Variants in ZNF695 observed in about 807,000 individuals in gnomAD.
The protein encoded by ZNF695 is zinc finger protein SBZF3.
A neutral mutation model predicts 11.2 loss-of-function variants in ZNF695; 11 were observed. The observed-to-expected ratio is 0.98, with a 90% confidence interval of 0.62 to 1.62. The LOEUF (loss-of-function observed/expected upper bound fraction) is 1.62. Among genes scored for constraint, ZNF695 ranks in the 40% most tolerant of loss-of-function variants. The pLI, the probability that ZNF695 is intolerant of heterozygous loss-of-function variation, is 0.00. For synonymous variants in ZNF695, 190 were observed against 201.4 expected, an observed-to-expected ratio of 0.94 and a Z score of 0.48; for missense variants, 559 against 590.5, an observed-to-expected ratio of 0.95 and a Z score of 0.55.
intron 3 of ZNF695, among the ~76,000 whole-genome samples, chr1:246,994,339 G>A (rs756963720): frequency 6.6e-6 from 1 of 151,904 alleles, no homozygotes; most frequent in Non-Finnish European, 1.5e-5. Flanking sequence ...TCAGGAGTTC[G>A]AGACCAGCCT....
At chr1:246,991,918 G>A (rs766194597) in intron 3 of ZNF695, among the ~76,000 whole-genome samples, 7 of 152,096 alleles carry the variant, frequency 4.6e-5, no homozygotes, top group African/African-American at 1.4e-4. Flanking sequence ...CTTATAGGCC[G>A]GGCGCGGTGG....
intron 4 of ZNF695, among the ~76,000 whole-genome samples, chr1:246,975,781 T>C (rs1334347053): frequency 1.3e-5 from 2 of 152,014 alleles, no homozygotes; most frequent in Non-Finnish European, 2.9e-5. Context: ...TTAAATTATG[T>C]CTCTGAGGGA....
At chr1:246,982,361 G>C (rs1181900353), downstream of ZNF695, among the ~76,000 whole-genome samples, 1 of 151,624 alleles carries the variant, frequency 6.6e-6, no homozygotes, top group East Asian at 1.9e-4. Context: ...TCAAAAATAG[G>C]TTCTGCATGG....
Position 246,999,335 on chromosome 1 carries a change from C to G in ZNF695, c.259+13G>C. ...AACCCCTACCTGTGTTCGCTTCATT[C>G]ACTCCCACCTACCTGAGTGTCTGGC... is the stretch of plus-strand genomic sequence containing the variant. On this transcript the variant is annotated intron_variant, in intron 3 of 3. Coordinates refer to ENST00000339986, the MANE Select transcript of ZNF695 (RefSeq NM_020394.5). 1 of 1,604,446 alleles carries G rather than the reference C, an allele frequency of 6.2e-7. No individual in the cohort carries two copies.
intron 4 of ZNF695, chr1:246,968,777 C>T (rs1668350905): frequency 6.6e-6 from 1 of 152,276 alleles, no homozygotes; most frequent in Admixed American, 6.5e-5. Context: ...TGGAAGCCTC[C>T]AAGGCTTGTG....
Position 246,986,264 on chromosome 1 carries a change from T to C in ZNF695, c.*703A>G. Reference sequence around the variant, plus strand: ...TTTACTTTTTGTAGAGATGAGGTTTTGCCATGTTGCCCAGCCTGGTCCCAA... The same window carrying C: ...TTTACTTTTTGTAGAGATGAGGTTTCGCCATGTTGCCCAGCCTGGTCCCAA... On this transcript the variant is annotated 3_prime_UTR_variant, in exon 4 of 4. Transcript: ENST00000339986. 1.6e-6 allele frequency: 1 copy of C among 645,086 alleles called. No individual in the cohort carries two copies. Among genetic ancestry groups the C allele is most frequent in the Non-Finnish European group, 1.9e-6 (1 of 519,388 alleles). The allele number at this position is 645,086 out of a possible 1,614,324, so 40.0% of individuals were successfully genotyped here. A position where few individuals can be genotyped will look rare whatever the true frequency, so the allele number is the denominator to read the frequency against.
intron 4 of ZNF695, chr1:246,967,885 A>G (rs1485864955): frequency 5.2e-6 from 1 of 191,954 alleles, no homozygotes; most frequent in Non-Finnish European, 1.1e-5. Context: ...ACAGCAAAGG[A>G]GAAGTCTGCC....
chr1:246,994,461 A>G (rs1204606584), intron 3 of ZNF695, among the ~76,000 whole-genome samples: 1 of 151,834 alleles, frequency 6.6e-6, no homozygotes, highest in Non-Finnish European at 1.5e-5. Flanking sequence ...GAATCGCTTG[A>G]GCCTGGGAGG....
At chr1:246,972,851 C>T (rs1043472754) in intron 4 of ZNF695, among the ~76,000 whole-genome samples, 3 of 151,208 alleles carry the variant, frequency 2.0e-5, no homozygotes, top group East Asian at 1.9e-4. Context: ...AAAAGAACAC[C>T]GATTTCTGCA....
intron 5 of ZNF695, among the ~76,000 whole-genome samples, chr1:246,951,624 C>G (rs1558301682): frequency 6.6e-6 from 1 of 152,174 alleles, no homozygotes; most frequent in Non-Finnish European, 1.5e-5. Context: ...GCTCCTAGAC[C>G]AGAAACTAGA....
intron 5 of ZNF695, among the ~76,000 whole-genome samples, chr1:246,948,326 A>G (rs933684645): frequency 6.6e-6 from 1 of 151,656 alleles, no homozygotes; most frequent in Non-Finnish European, 1.5e-5. Context: ...CACCCTCCTC[A>G]GCCTCCCAAA....
At chr1:246,988,950 C>T (rs531448917) in intron 3 of ZNF695, among the ~76,000 whole-genome samples, 13 of 152,210 alleles carry the variant, frequency 8.5e-5, no homozygotes, top group African/African-American at 2.4e-4. Context: ...AAAAATTAGC[C>T]GGGCGTGGTG....
Position 246,986,952 on chromosome 1 carries a change from A to G in ZNF695, c.*15T>C. 2 of 1,550,218 alleles carry G rather than the reference A, an allele frequency of 1.3e-6. No homozygotes were observed. The highest frequency in any genetic ancestry group is 1.7e-6 in the Non-Finnish European group (2 of 1,154,430). On this transcript the variant is annotated 3_prime_UTR_variant, in exon 4 of 4. Coordinates refer to ENST00000339986, the MANE Select transcript of ZNF695 (RefSeq NM_020394.5). ...TAAAGACTATGCCATATTGTTTAGA[A>G]TTGTAGGGTTTTTCTCAGGTATGAG...
chr1:246,998,562 G>T (rs949863023), intron 3 of ZNF695, among the ~76,000 whole-genome samples: 1 of 152,172 alleles, frequency 6.6e-6, no homozygotes, highest in African/African-American at 2.4e-5. Context: ...CACAGGGTAA[G>T]TCATAAAGGA....
Position 246,987,545 on chromosome 1 carries a change from A to C in ZNF695, c.970T>G (p.Tyr324Asp). 1 of 1,602,366 alleles carries C rather than the reference A, an allele frequency of 6.2e-7. No homozygotes were observed. Among genetic ancestry groups the C allele is most frequent in the Non-Finnish European group, 8.5e-7 (1 of 1,175,098 alleles). Residue 324 changes from tyrosine to aspartate, a missense_variant, in exon 4 of 4, where the codon TAC (tyrosine) becomes GAC (aspartate). Tyr to Asp is a radical substitution (Grantham distance 160). Transcript: ENST00000339986. ...ACTTTGCCACATTCTTCACACTTGTAGGGTTTCTCTCTACTATGAATTCTC... is the reference window on the plus strand; with the variant it reads ...ACTTTGCCACATTCTTCACACTTGTCGGGTTTCTCTCTACTATGAATTCTC... ...HKRIHSREKP[Y>D]KCEECGKVFK...
intron 1 of ZNF695, among the ~76,000 whole-genome samples, chr1:247,006,379 G>A (rs1454810241): frequency 2.0e-5 from 3 of 152,190 alleles, no homozygotes; most frequent in African/African-American, 7.2e-5. Flanking sequence ...TTGGGAGGCT[G>A]AGGCGGGCGG....
At chr1:246,969,934 G>A (rs1172359291) in intron 4 of ZNF695, among the ~76,000 whole-genome samples, 1 of 152,152 alleles carries the variant, frequency 6.6e-6, no homozygotes, top group Non-Finnish European at 1.5e-5. Context: ...CCTCCCACTA[G>A]GCCCCTCCTC....
intron 5 of ZNF695, among the ~76,000 whole-genome samples, chr1:246,959,425 A>G (rs1558304567): frequency 7.2e-6 from 1 of 139,296 alleles, no homozygotes; most frequent in Non-Finnish European, 1.5e-5. Context: ...CAAAATGGGC[A>G]TTTTTTTTGT....
intron 5 of ZNF695, among the ~76,000 whole-genome samples, chr1:246,947,322 C>CA (rs1320197649): frequency 6.6e-6 from 1 of 151,570 alleles, no homozygotes. Flanking sequence ...CTCCTGGGCT[C>CA]AAACAATCCC....
Sources: gnomAD v4.1 joint callset for allele counts (sites outside exome capture counted in the v4.1 genomes callset) on GRCh38, gnomAD v4.1.1 for gene constraint, MANE v1.5 for transcripts, NCBI Gene and HGNC (gene_info 2026-07-23, HGNC 2026-07-21) for gene names.